ELL2: variants seen among roughly 807,000 people sequenced by gnomAD.
The protein encoded by ELL2 is elongation factor for RNA polymerase II 2, also known as RNA polymerase II elongation factor ELL2.
Under a neutral mutation model 72.8 loss-of-function variants are expected in ELL2, and 21 were observed. That is an observed-to-expected ratio of 0.29 (90% CI 0.20 to 0.42). ELL2 has a LOEUF of 0.42. Ranked by LOEUF, ELL2 falls within the 10% of genes least tolerant of loss-of-function variation. ELL2 has a pLI of 1.00. For missense variants in ELL2, 568 were observed against 772.8 expected (o/e 0.73, Z 3.14); for synonymous variants, 266 against 283.2 (o/e 0.94, Z 0.61).
At chr5:95,937,718 T>C (rs1750828367) in intron 2 of ELL2, among the ~76,000 whole-genome samples, 1 of 152,130 alleles carries the variant, frequency 6.6e-6, no homozygotes, top group South Asian at 2.1e-4. Context: ...TATAAAGAAA[T>C]ATAATTTTAA....
At chr5:95,942,920 G>T in intron 2 of ELL2, 82 bp downstream of exon 2, 1 of 1,047,144 alleles carries the variant, frequency 9.5e-7, no homozygotes, top group Non-Finnish European at 1.3e-6. Flanking sequence ...TATAATAAAA[G>T]GGTCAACTGA....
chr5:95,923,820 G>A (rs957931767), intron 2 of ELL2, among the ~76,000 whole-genome samples: 8 of 152,134 alleles, frequency 5.3e-5, no homozygotes, highest in African/African-American at 1.9e-4. Flanking sequence ...ATTTCAAAAG[G>A]GTTTGTAGAC....
At chr5:95,939,589 C>T (rs900440329) in intron 2 of ELL2, among the ~76,000 whole-genome samples, 2 of 152,136 alleles carry the variant, frequency 1.3e-5, no homozygotes, top group African/African-American at 4.8e-5. Flanking sequence ...GAACTTCTCC[C>T]TAGCAGTGTG....
chr5:95,908,308 T>C (rs1749453692), intron 4 of ELL2, among the ~76,000 whole-genome samples: 1 of 152,176 alleles, frequency 6.6e-6, no homozygotes. Flanking sequence ...CTTTCACAGA[T>C]GAGAAAACTG....
chr5:95,950,876 T>TTA lies in ELL2; in HGVS notation c.148-7829_148-7828dup, dbSNP rs59551147. Among the ~76,000 whole-genome samples, 23 of 117,488 alleles carry TTA rather than the reference T, an allele frequency of 2.0e-4. 1 individual carries two copies. Among genetic ancestry groups the TTA allele is most frequent in the East Asian group, 6.9e-4 (3 of 4,362 alleles). 77.1% of individuals were successfully genotyped at this position (117,488 alleles called of 152,430 possible). On this transcript the variant is annotated intron_variant, in intron 1 of 11. Transcript: ENST00000237853. ...CTATCTGATACATGCCAAGTTTTAT[T>TTA]TATATATATATATGTATGTATGTAT...
intron 9 of ELL2, 110 bp from the exon 10 acceptor site, chr5:95,891,384 G>A: frequency 8.8e-7 from 1 of 1,132,488 alleles, no homozygotes; most frequent in Non-Finnish European, 1.2e-6. Flanking sequence ...TGTCACTAAT[G>A]TTTAATGCCA....
At chr5:95,942,490 T>G (rs547815609) in intron 2 of ELL2, among the ~76,000 whole-genome samples, 19 of 152,316 alleles carry the variant, frequency 1.2e-4, no homozygotes, top group African/African-American at 4.3e-4. Flanking sequence ...TATCATTTAT[T>G]GTGCTTTTAA....
chr5:95,928,005 G>C (rs1226142542), intron 2 of ELL2, among the ~76,000 whole-genome samples: 3 of 151,572 alleles, frequency 2.0e-5, no homozygotes, highest in Non-Finnish European at 4.4e-5. Context: ...CATTTTTGTA[G>C]CTTCATGGCT....
chr5:95,918,877 C>CTTTTT (rs10644804), intron 3 of ELL2, among the ~76,000 whole-genome samples: 3 of 142,720 alleles, frequency 2.1e-5, no homozygotes, highest in African/African-American at 2.6e-5. Flanking sequence ...CTTCCTCCTC[C>CTTTTT]TTTTTTTTTT....
rs71630725 is a variant in ELL2 at position 95,921,203 on chromosome 5, T to C, written c.196-1658A>G. ...ACATAGTAGACATATAATAAATATTTGTTGAAGGAATAAATGAACAAGAAG... is the reference window on the plus strand; with the variant it reads ...ACATAGTAGACATATAATAAATATTCGTTGAAGGAATAAATGAACAAGAAG... On this transcript the variant is annotated intron_variant, in intron 2 of 11. Transcript: ENST00000237853. Among the ~76,000 whole-genome samples, 726 of 152,312 alleles carry C rather than the reference T, an allele frequency of 4.8e-3. 4 individuals carry two copies. Among genetic ancestry groups the C allele is most frequent in the Middle Eastern group, 0.01 (3 of 294 alleles).
chr5:95,949,637 T>C (rs1342442072), intron 1 of ELL2, among the ~76,000 whole-genome samples: 1 of 151,854 alleles, frequency 6.6e-6, no homozygotes, highest in East Asian at 1.9e-4. Context: ...AGCAAGTATT[T>C]ATTAAATACT....
chr5:95,906,897 G>A, intron 4 of ELL2, 115 bp from the exon 5 acceptor site: 2 of 1,109,134 alleles, frequency 1.8e-6, no homozygotes, highest in South Asian at 2.5e-5. Context: ...TAATAATAAA[G>A]GCCACTTTAT....
At chr5:95,918,793 G>T (rs1450027176) in intron 3 of ELL2, among the ~76,000 whole-genome samples, 3 of 151,906 alleles carry the variant, frequency 2.0e-5, no homozygotes, top group South Asian at 4.2e-4. Context: ...GAAACAAGTG[G>T]CTTATTGTTT....
intron 3 of ELL2, among the ~76,000 whole-genome samples, chr5:95,917,287 G>A (rs928328312): frequency 1.3e-5 from 2 of 152,300 alleles, no homozygotes; most frequent in African/African-American, 4.8e-5. Flanking sequence ...AATCAAGGAA[G>A]TTTAAAAATA....
chr5:95,919,716 C>T (rs1749974347), intron 2 of ELL2, among the ~76,000 whole-genome samples, 171 bp from the exon 3 acceptor site: 1 of 152,218 alleles, frequency 6.6e-6, no homozygotes, highest in African/African-American at 2.4e-5. Context: ...ATCTGGCAAA[C>T]ATGCCTATAA....
intron 9 of ELL2, among the ~76,000 whole-genome samples, chr5:95,893,414 T>A (rs1748739999): frequency 6.6e-6 from 1 of 152,258 alleles, no homozygotes; most frequent in African/African-American, 2.4e-5. Context: ...AGATGGTGTC[T>A]TGCTCTGTCG....
At chr5:95,901,465 A>G (rs1032248532) in intron 5 of ELL2, among the ~76,000 whole-genome samples, 5 of 152,232 alleles carry the variant, frequency 3.3e-5, no homozygotes, top group African/African-American at 7.2e-5. Flanking sequence ...TCGATGCCTA[A>G]AAACTCCGAT....
intron 1 of ELL2, among the ~76,000 whole-genome samples, chr5:95,955,996 T>C (rs955725516): frequency 2.6e-5 from 4 of 152,120 alleles, no homozygotes; most frequent in Non-Finnish European, 5.9e-5. Context: ...ACCAATTACC[T>C]AATAAGCCTT....
chr5:95,900,882 A>G, intron 6 of ELL2, 74 bp downstream of exon 6: 1 of 1,561,300 alleles, frequency 6.4e-7, no homozygotes, highest in Non-Finnish European at 8.6e-7. Context: ...TAAAATAACA[A>G]TGACTAAAAT....
Sources: allele counts gnomAD v4.1 joint callset (sites outside exome capture counted in the v4.1 genomes callset), GRCh38; gene constraint gnomAD v4.1.1; transcripts MANE v1.5; gene names NCBI Gene and HGNC (gene_info 2026-07-23, HGNC 2026-07-21).